The following MTHFD2L variants were observed in gnomAD, a reference collection of about 807,000 sequenced individuals.
The protein encoded by MTHFD2L is methylenetetrahydrofolate dehydrogenase (NADP+ dependent) 2 like, also known as bifunctional methylenetetrahydrofolate dehydrogenase/cyclohydrolase 2, mitochondrial.
Under a neutral mutation model 34.9 loss-of-function variants are expected in MTHFD2L, and 29 were observed. The ratio of observed to expected loss-of-function variants is 0.83; its 90% CI spans 0.62 to 1.13. MTHFD2L has a LOEUF of 1.13. Ranked by LOEUF, MTHFD2L falls within the 50% of genes most tolerant of loss-of-function variation. MTHFD2L has a pLI of 0.00. For synonymous variants in MTHFD2L, 167 were observed against 155.7 expected (o/e 1.07, Z -0.54); for missense variants, 481 against 446.5 (o/e 1.08, Z -0.70).
chr4:74,199,655 A>G, intron 3 of MTHFD2L, 139 bp from the exon 4 acceptor site: 3 of 686,968 alleles, frequency 4.4e-6, no homozygotes, highest in Non-Finnish European at 6.8e-6. Flanking sequence ...GCAAATAATA[A>G]TAATAATAAT....
chr4:74,228,404 A>G (rs1739508639), intron 6 of MTHFD2L, among the ~76,000 whole-genome samples: 1 of 152,226 alleles, frequency 6.6e-6, no homozygotes, highest in Non-Finnish European at 1.5e-5. Context: ...CTTAAAAGGT[A>G]TTATTTGACT....
intron 1 of MTHFD2L, among the ~76,000 whole-genome samples, chr4:74,159,445 C>G (rs1724928232): frequency 6.6e-6 from 1 of 152,184 alleles, no homozygotes; most frequent in African/African-American, 2.4e-5. Context: ...CTCTAAATTA[C>G]TTGTTTGTAT....
At chr4:74,225,524 C>G (rs1379406838) in intron 6 of MTHFD2L, 130 bp downstream of exon 6, 3 of 690,958 alleles carry the variant, frequency 4.3e-6, no homozygotes, top group Non-Finnish European at 5.1e-6. Flanking sequence ...TGATTGGATT[C>G]TGTCTCTTGG....
intron 1 of MTHFD2L, among the ~76,000 whole-genome samples, chr4:74,168,367 A>G (rs925377273): frequency 3.3e-5 from 5 of 152,200 alleles, no homozygotes; most frequent in African/African-American, 7.2e-5. Flanking sequence ...CCCTTGGCCT[A>G]GAATGCTTTT....
intron 7 of MTHFD2L, among the ~76,000 whole-genome samples, chr4:74,301,116 T>C (rs1241402617): frequency 6.6e-6 from 1 of 152,060 alleles, no homozygotes; most frequent in East Asian, 1.9e-4. Flanking sequence ...CAAAAAATTA[T>C]AAGTGAAACC....
At chr4:74,178,029 T>C (rs1325535783) in intron 3 of MTHFD2L, among the ~76,000 whole-genome samples, 1 of 136,892 alleles carries the variant, frequency 7.3e-6, no homozygotes, top group Non-Finnish European at 1.6e-5. Context: ...ATCTTACCTG[T>C]AGAATTTTTA....
chr4:74,160,550 T>G (rs1235069395), intron 1 of MTHFD2L: 2 of 153,010 alleles, frequency 1.3e-5, no homozygotes, highest in African/African-American at 4.8e-5. Flanking sequence ...TGAATTTGTT[T>G]TCCTGTTTAT....
At chr4:74,284,716 A>G (rs183031359) in intron 7 of MTHFD2L, among the ~76,000 whole-genome samples, 64 of 152,204 alleles carry the variant, frequency 4.2e-4, no homozygotes, top group Admixed American at 8.5e-4. Flanking sequence ...GAGGATATGG[A>G]GAAATAGGAA....
At chr4:74,200,164 T>G (rs1189929401) in intron 4 of MTHFD2L, among the ~76,000 whole-genome samples, 1 of 152,002 alleles carries the variant, frequency 6.6e-6, no homozygotes, top group Non-Finnish European at 1.5e-5. Context: ...TACAAAAAAT[T>G]AGCCAGGTGT....
upstream of MTHFD2L, among the ~76,000 whole-genome samples, chr4:74,153,737 G>A (rs762688048): frequency 6.6e-6 from 1 of 152,020 alleles, no homozygotes; most frequent in Non-Finnish European, 1.5e-5. Context: ...ACCTACCCTG[G>A]CTAGATAGAC....
intron 1 of MTHFD2L, among the ~76,000 whole-genome samples, chr4:74,164,303 A>G (rs139837150): frequency 2.0e-5 from 3 of 152,182 alleles, no homozygotes; most frequent in African/African-American, 7.2e-5. Context: ...CTTGATCTTG[A>G]CTAGGTTTTA....
At chr4:74,255,135 C>CCAAA (rs1242293867) in intron 6 of MTHFD2L, among the ~76,000 whole-genome samples, 3 of 19,316 alleles carry the variant, frequency 1.6e-4, no homozygotes, top group African/African-American at 7.0e-4. Flanking sequence ...GACTCCATCT[C>CCAAA]CAAAAAAAAA....
chr4:74,292,615 G>T (rs569024113), intron 7 of MTHFD2L, among the ~76,000 whole-genome samples: 1 of 152,038 alleles, frequency 6.6e-6, no homozygotes, highest in Non-Finnish European at 1.5e-5. Flanking sequence ...TGACAAGAGT[G>T]TATGATGATC....
intron 6 of MTHFD2L, among the ~76,000 whole-genome samples, chr4:74,276,738 G>A (rs963408474): frequency 2.0e-5 from 3 of 152,024 alleles, no homozygotes; most frequent in Admixed American, 1.3e-4. Context: ...CCGATCATTT[G>A]CCTCTGCAAG....
chr4:74,237,384 C>T, intron 6 of MTHFD2L, among the ~76,000 whole-genome samples: 1 of 152,146 alleles, frequency 6.6e-6, no homozygotes, highest in East Asian at 1.9e-4. Flanking sequence ...CACGGTGGCT[C>T]AAGCCTATAA....
chr4:74,281,703 T>C (rs1560558336), intron 7 of MTHFD2L, among the ~76,000 whole-genome samples, 153 bp downstream of exon 7: 1 of 152,074 alleles, frequency 6.6e-6, no homozygotes, highest in Admixed American at 6.6e-5. Flanking sequence ...CAGACTTAAA[T>C]ATTTACTTTC....
chr4:74,295,494 A>G (rs996910872), intron 7 of MTHFD2L, among the ~76,000 whole-genome samples: 16 of 152,216 alleles, frequency 1.1e-4, no homozygotes, highest in African/African-American at 3.9e-4. Flanking sequence ...TTACTTTGTA[A>G]TTTTTGTGTT....
chr4:74,217,969 G>A (rs1737479466), intron 5 of MTHFD2L, among the ~76,000 whole-genome samples: 1 of 152,128 alleles, frequency 6.6e-6, no homozygotes, highest in Non-Finnish European at 1.5e-5. Context: ...GCCCTTCTCA[G>A]ATGGAGTAAA....
intron 6 of MTHFD2L, among the ~76,000 whole-genome samples, chr4:74,228,558 A>G (rs1476363089): frequency 2.6e-5 from 4 of 152,168 alleles, no homozygotes; most frequent in Non-Finnish European, 5.9e-5. Flanking sequence ...TATTATGACA[A>G]ATGGCACATG....
Sources: allele counts gnomAD v4.1 joint callset (sites outside exome capture counted in the v4.1 genomes callset), GRCh38; gene constraint gnomAD v4.1.1; transcripts MANE v1.5; gene names NCBI Gene and HGNC (gene_info 2026-07-23, HGNC 2026-07-21).